The following RBL1 variants were observed in gnomAD, a reference collection of about 807,000 sequenced individuals.
RBL1 encodes the protein RB transcriptional corepressor like 1.
Under a neutral mutation model 123.0 loss-of-function variants are expected in RBL1, and 82 were observed. The observed-to-expected ratio is 0.67, with a 90% CI of 0.56 to 0.80. The LOEUF (loss-of-function observed/expected upper bound fraction) is 0.80. RBL1 is among the 30% of genes least tolerant of loss of function. The pLI is 0.00. For missense variants in RBL1, 1,171 were observed against 1,299.6 expected (o/e 0.90, Z 1.52); for synonymous variants, 405 against 441.3 (o/e 0.92, Z 1.03).
intron 3 of RBL1, 28 bp downstream of exon 3, chr20:37,067,957 TG>T (rs2065208725): frequency 6.3e-7 from 1 of 1,596,170 alleles, no homozygotes; most frequent in Non-Finnish European, 8.5e-7. Context: ...ATAATCTTTA[TG>T]TCAATTATAT....
intron 21 of RBL1, among the ~76,000 whole-genome samples, chr20:37,003,218 A>C (rs965441142): frequency 7.2e-5 from 11 of 152,178 alleles, no homozygotes; most frequent in Non-Finnish European, 1.0e-4. Context: ...ATAGTCCATG[A>C]AGTCTCTGAA....
intron 2 of RBL1, among the ~76,000 whole-genome samples, chr20:37,069,353 G>A (rs2065241068): frequency 6.6e-6 from 1 of 151,680 alleles, no homozygotes; most frequent in Non-Finnish European, 1.5e-5. Flanking sequence ...GGAAAGTGAG[G>A]AGCGTCTCCG....
At chr20:37,068,530 T>TA (rs5841250) in intron 2 of RBL1, among the ~76,000 whole-genome samples, 20,864 of 145,486 alleles carry the variant, frequency 0.14, 2,087 homozygotes, top group East Asian at 0.48. Context: ...TAAATTTAAT[T>TA]AAAAAAAAAA....
intron 13 of RBL1, 78 bp downstream of exon 13, chr20:37,044,008 T>C: frequency 2.4e-6 from 3 of 1,235,022 alleles, no homozygotes; most frequent in Non-Finnish European, 3.3e-6. Flanking sequence ...CTCTATGGTA[T>C]AGGAATTATC....
chr20:37,053,254 G>A (rs957683286), intron 11 of RBL1, among the ~76,000 whole-genome samples: 5 of 152,114 alleles, frequency 3.3e-5, no homozygotes, highest in Non-Finnish European at 7.3e-5. Context: ...ACACCATTTC[G>A]CTCAACACCA....
At chr20:37,050,773 A>G (rs778043214) in intron 11 of RBL1, among the ~76,000 whole-genome samples, 1 of 151,924 alleles carries the variant, frequency 6.6e-6, no homozygotes, top group Non-Finnish European at 1.5e-5. Flanking sequence ...TGGGAATGAC[A>G]GACACATGAA....
intron 16 of RBL1, 114 bp downstream of exon 16, chr20:37,032,551 G>T (rs2064529866): frequency 6.1e-6 from 9 of 1,482,606 alleles, no homozygotes; most frequent in Non-Finnish European, 8.1e-6. Context: ...GGTTAAAATG[G>T]TAAATTTTGT....
chr20:37,062,311 C>T (rs745419607), intron 7 of RBL1, 41 bp from the exon 8 acceptor site: 1 of 1,585,666 alleles, frequency 6.3e-7, no homozygotes, highest in Admixed American at 1.8e-5. Context: ...CTAAGTTACA[C>T]AATGGATTTA....
chr20:37,008,572 C>T (rs2064109252), intron 19 of RBL1, among the ~76,000 whole-genome samples: 1 of 152,152 alleles, frequency 6.6e-6, no homozygotes, highest in Non-Finnish European at 1.5e-5. Flanking sequence ...CAGGGTATTA[C>T]AAACTATCAT....
chr20:37,002,336 G>GTTTTTTTTTTT lies in RBL1; in HGVS notation c.3036+1355_3036+1365dup, dbSNP rs965408801. On this transcript the variant is annotated intron_variant, in intron 21 of 21. Coordinates refer to ENST00000373664, the MANE Select transcript of RBL1 (RefSeq NM_002895.5). Reference sequence around the variant, plus strand: ...TGAGCCACCGTGCCTAGCCTTATCTGTTTTTTTTTTTTTTTTTTTTTTTTG... The same window carrying GTTTTTTTTTTT: ...TGAGCCACCGTGCCTAGCCTTATCTGTTTTTTTTTTTTTTTTTTTTTTTTTTTTTTTTTTTG... Among the ~76,000 whole-genome samples, 89 of 76,348 alleles carry GTTTTTTTTTTT rather than the reference G, an allele frequency of 1.2e-3. 2 individuals carry two copies. The highest frequency in any genetic ancestry group is 3.5e-3 in the East Asian group (5 of 1,440). 50.1% of individuals were successfully genotyped at this position (76,348 alleles called of 152,430 possible).
intron 1 of RBL1, among the ~76,000 whole-genome samples, 199 bp from the exon 2 acceptor site, chr20:37,089,321 T>C (rs944138796): frequency 2.6e-5 from 4 of 152,162 alleles, no homozygotes; most frequent in Admixed American, 2.0e-4. Context: ...CTTAGTTCTG[T>C]GTTTTTACAA....
rs201655081 is a variant in RBL1 at position 37,032,835 on chromosome 20, A to G, written c.2212T>C (p.Ser738Pro). The change falls in exon 16 of 22, where the codon TCC (serine) becomes CCC (proline). Residue 738 changes from serine to proline, a missense_variant. Coordinates refer to ENST00000373664, the MANE Select transcript of RBL1 (RefSeq NM_002895.5). Reference protein sequence around the residue: ...DAGEITLIPLSMNTNQESKVK... With the variant: ...DAGEITLIPLPMNTNQESKVK... ...TTGGACTCCTGATTTGTATTCATGG[A>G]AAGAGGTATCAGTGTGATCTCTCCA... The G allele has an allele frequency of 4.3e-6, 7 of 1,613,948 alleles. No individual in the cohort carries two copies. The African/African-American group carries it at 6.7e-5, about 15-fold the overall frequency.
At position 37,074,045 on chromosome 20, in the gene RBL1, A is replaced by T. The variant is rs574281056; in HGVS notation, c.291-5859T>A. On this transcript the variant is annotated intron_variant, in intron 2 of 21. Coordinates refer to ENST00000373664, the MANE Select transcript of RBL1 (RefSeq NM_002895.5). ...AGAATGGCGTGAACCCAGGAGGCGG[A>T]GCTTGCAGTGAGCTGAGATCGCGCC... Among the ~76,000 whole-genome samples the T allele has an allele frequency of 2.2e-4, 34 of 152,136 alleles. No homozygotes were observed. The South Asian group carries it at 2.9e-3, about 13-fold the overall frequency.
intron 12 of RBL1, among the ~76,000 whole-genome samples, chr20:37,044,462 C>G (rs771710995): frequency 1.3e-4 from 20 of 152,000 alleles, no homozygotes; most frequent in Non-Finnish European, 2.2e-4. Context: ...CTCAGCCTCC[C>G]GAGTAGCTGG....
At chr20:37,009,515 A>G (rs2064121013) in intron 19 of RBL1, among the ~76,000 whole-genome samples, 1 of 151,894 alleles carries the variant, frequency 6.6e-6, no homozygotes, top group Non-Finnish European at 1.5e-5. Flanking sequence ...ACGCTGCCAC[A>G]CCGAGCTAAT....
In RBL1 at chr20:37,035,263, T is replaced by C. The variant is rs1002674604; in HGVS notation, c.2149A>G (p.Lys717Glu). Residue 717 changes from lysine (K) to glutamate (E), a missense_variant, in exon 15 of 22, where the codon AAA (lysine) becomes GAA (glutamate). Physicochemically the swap from Lys to Glu is moderately conservative, Grantham distance 56 (BLOSUM62 1). Transcript: ENST00000373664. ...TTACCATGTAATGGAATTGTAACTTTATGTCCTGTTGTTCCTGTTACTGGG... is the reference window on the plus strand; with the variant it reads ...TTACCATGTAATGGAATTGTAACTTCATGTCCTGTTGTTCCTGTTACTGGG... ...TAPVTGTTGH[K>E]VTIPLHGVAN... 4.3e-6 allele frequency: 7 copies of C among 1,613,660 alleles called. No homozygotes were observed. Among genetic ancestry groups the C allele is most frequent in the Non-Finnish European group, 5.9e-6 (7 of 1,179,676 alleles).
intron 16 of RBL1, among the ~76,000 whole-genome samples, chr20:37,028,867 C>T (rs961671151): frequency 1.1e-4 from 16 of 152,098 alleles, no homozygotes; most frequent in Non-Finnish European, 2.1e-4. Flanking sequence ...GCTAAAGGTA[C>T]ATTACTTGAT....
At chr20:37,037,988 G>GTTTTT (rs57647591) in intron 14 of RBL1, among the ~76,000 whole-genome samples, 4 of 83,576 alleles carry the variant, frequency 4.8e-5, no homozygotes, top group Non-Finnish European at 6.7e-5. Context: ...CCCGGCCATT[G>GTTTTT]TTTTTTTTTT....
At chr20:37,093,095 T>A (rs2065673159) in intron 1 of RBL1, among the ~76,000 whole-genome samples, 1 of 152,086 alleles carries the variant, frequency 6.6e-6, no homozygotes, top group African/African-American at 2.4e-5. Context: ...GTGCAGTGAA[T>A]AACTGATTTT....
Sources: gnomAD v4.1 joint callset for allele counts (sites outside exome capture counted in the v4.1 genomes callset) on GRCh38, gnomAD v4.1.1 for gene constraint, MANE v1.5 for transcripts, NCBI Gene and HGNC (gene_info 2026-07-23, HGNC 2026-07-21) for gene names.